The following ABI3BP variants were observed in gnomAD, a reference collection of about 807,000 sequenced individuals.
The protein encoded by ABI3BP is ABI family member 3 binding protein.
ABI3BP carries 216 observed loss-of-function variants against 268.6 expected under a neutral mutation model. The observed-to-expected ratio is 0.80, with a 90% CI of 0.72 to 0.90. The LOEUF (loss-of-function observed/expected upper bound fraction) is 0.90, where lower values mean the gene tolerates loss of function less well. ABI3BP is among the 40% of genes least tolerant of loss of function. ABI3BP has a pLI of 0.00. For missense variants in ABI3BP, 2,090 were observed against 2,182.4 expected (o/e 0.96, Z 0.84); for synonymous variants, 730 against 730.0 (o/e 1.00, Z 0.00).
At chr3:100,826,105 AGGACTGAT>A (rs1434662829) in intron 34 of ABI3BP, among the ~76,000 whole-genome samples, 2 of 152,086 alleles carry the variant, frequency 1.3e-5, no homozygotes, top group Non-Finnish European at 2.9e-5. Flanking sequence ...CTACTTCAAC[AGGACTGAT>A]GGACTCATAT....
chr3:100,758,823 A>G lies in ABI3BP; in HGVS notation c.4851-4132T>C, dbSNP rs376858119. On this transcript the variant is annotated intron_variant, in intron 63 of 67. Coordinates refer to ENST00000471714, the MANE Select transcript of ABI3BP (RefSeq NM_001375547.2). ...AAAAACTAGGATTTCAAAAAGTGTG[A>G]CCTGTGGCTCATGAGCAAAACTGTT... Among the ~76,000 whole-genome samples the G allele has an allele frequency of 2.0e-4, 30 of 152,250 alleles. No individual in the cohort carries two copies. In the South Asian group the frequency reaches 6.0e-3, roughly 31 times the overall value.
intron 1 of ABI3BP, among the ~76,000 whole-genome samples, chr3:100,928,817 C>T (rs995270990): frequency 1.3e-5 from 2 of 152,058 alleles, no homozygotes; most frequent in Admixed American, 6.6e-5. Flanking sequence ...CTGCACTGCT[C>T]TCTTTTCACT....
chr3:100,858,653 T>C (rs2098964355), intron 14 of ABI3BP, among the ~76,000 whole-genome samples: 1 of 152,146 alleles, frequency 6.6e-6, no homozygotes, highest in South Asian at 2.1e-4. Context: ...TAATGGCTGA[T>C]AAAGAGAAAA....
chr3:100,885,856 C>T (rs2041754019), intron 5 of ABI3BP, among the ~76,000 whole-genome samples: 1 of 151,928 alleles, frequency 6.6e-6, no homozygotes, highest in African/African-American at 2.4e-5. Flanking sequence ...TTTTCTGGTT[C>T]TGTTGGTGTT....
chr3:100,864,777 A>G, intron 11 of ABI3BP, 56 bp downstream of exon 11: 1 of 1,319,388 alleles, frequency 7.6e-7, no homozygotes, highest in Non-Finnish European at 1.1e-6. Flanking sequence ...GAGTCCTGGG[A>G]GTTATTTCGT....
At chr3:100,836,992 A>T in intron 27 of ABI3BP, 132 bp downstream of exon 27, 1 of 850,910 alleles carries the variant, frequency 1.2e-6, no homozygotes, top group African/African-American at 1.7e-5. Context: ...CCCCTGTTGA[A>T]AATAGTGAAA....
At chr3:100,800,720 C>T (rs766735163) in intron 51 of ABI3BP, among the ~76,000 whole-genome samples, 9 of 152,142 alleles carry the variant, frequency 5.9e-5, no homozygotes, top group Non-Finnish European at 1.2e-4. Context: ...ACCTCGTGAT[C>T]CTCCCGCCTC....
chr3:100,770,679 C>T (rs1176189708), intron 62 of ABI3BP, 64 bp downstream of exon 62: 3 of 1,367,466 alleles, frequency 2.2e-6, no homozygotes, highest in Non-Finnish European at 2.9e-6. Context: ...CCAGGGTACC[C>T]CACTCCCAGG....
At chr3:100,929,841 A>G (rs1271976153) in intron 1 of ABI3BP, among the ~76,000 whole-genome samples, 1 of 151,968 alleles carries the variant, frequency 6.6e-6, no homozygotes, top group Admixed American at 6.6e-5. Context: ...GTTATTACCA[A>G]ATTGACTCTT....
At chr3:100,864,183 A>G in intron 11 of ABI3BP, 107 bp from the exon 12 acceptor site, 1 of 738,180 alleles carries the variant, frequency 1.4e-6, no homozygotes, top group Non-Finnish European at 2.4e-6. Flanking sequence ...TTGCACACAG[A>G]GCAGCCAATA....
At chr3:100,963,753 T>A (rs1473620730) in intron 1 of ABI3BP, among the ~76,000 whole-genome samples, 1 of 152,170 alleles carries the variant, frequency 6.6e-6, no homozygotes, top group African/African-American at 2.4e-5. Flanking sequence ...ACTTACCTGC[T>A]CCATCCACAG....
At chr3:100,814,465 A>G (rs936753350) in intron 44 of ABI3BP, among the ~76,000 whole-genome samples, 2 of 152,060 alleles carry the variant, frequency 1.3e-5, no homozygotes, top group Non-Finnish European at 2.9e-5. Context: ...TCCAAATCCT[A>G]TAATTATTTC....
chr3:100,899,053 C>T (rs1172045377), intron 3 of ABI3BP, among the ~76,000 whole-genome samples, 159 bp from the exon 4 acceptor site: 4 of 152,106 alleles, frequency 2.6e-5, no homozygotes, highest in Non-Finnish European at 5.9e-5. Flanking sequence ...TAATTTTTGC[C>T]CAGGAATTTA....
In ABI3BP at chr3:100,825,389, TA is replaced by T. The variant is rs543297678; in HGVS notation, c.2662+395del. ...AACATACTGGGCATTTTTTTTTTTT[TA>T]AATCTAGAAACTCAGATGTGCAAAG... On this transcript the variant is annotated intron_variant, in intron 35 of 67. Transcript: ENST00000471714. Among the ~76,000 whole-genome samples the T allele has an allele frequency of 9.0e-3, 1,326 of 147,398 alleles. 16 individuals are homozygous for T. Among genetic ancestry groups the T allele is most frequent in the African/African-American group, 0.033 (1,273 of 39,156 alleles).
At chr3:100,833,560 C>A (rs2098527141) in intron 29 of ABI3BP, among the ~76,000 whole-genome samples, 1 of 152,296 alleles carries the variant, frequency 6.6e-6, no homozygotes, top group East Asian at 1.9e-4. Flanking sequence ...AGCAGATACA[C>A]TGATGAATGA....
chr3:100,878,542 T>C lies in ABI3BP; in HGVS notation c.697-1982A>G, dbSNP rs188661413. Among the ~76,000 whole-genome samples the C allele has an allele frequency of 3.5e-3, 531 of 152,230 alleles. 2 individuals carry two copies. The highest frequency in any genetic ancestry group is 0.017 in the Middle Eastern group (5 of 294). ...GCAGATATAATTTAGACATGCTCTTTCTTGGCAACAGGAGGAAAATAGTAG... is the reference window on the plus strand; with the variant it reads ...GCAGATATAATTTAGACATGCTCTTCCTTGGCAACAGGAGGAAAATAGTAG... On this transcript the variant is annotated intron_variant, in intron 6 of 67. Transcript: ENST00000471714.
At chr3:100,824,737 GCC>G in intron 36 of ABI3BP, 119 bp downstream of exon 36, 1 of 722,618 alleles carries the variant, frequency 1.4e-6, no homozygotes. Flanking sequence ...TACTGATGAT[GCC>G]TTATGCCCTC....
chr3:100,779,757 T>G (rs1445291378), intron 58 of ABI3BP, among the ~76,000 whole-genome samples: 1 of 151,946 alleles, frequency 6.6e-6, no homozygotes, highest in Non-Finnish European at 1.5e-5. Flanking sequence ...ATCAGGAACA[T>G]AAGTAATATC....
chr3:100,838,697 T>C (rs1190940256), intron 24 of ABI3BP, among the ~76,000 whole-genome samples: 1 of 152,182 alleles, frequency 6.6e-6, no homozygotes, highest in Non-Finnish European at 1.5e-5. Context: ...GCAAAAGTAA[T>C]GAGGACAGTC....
Sources: gnomAD v4.1 joint callset for allele counts (sites outside exome capture counted in the v4.1 genomes callset) on GRCh38, gnomAD v4.1.1 for gene constraint, MANE v1.5 for transcripts, NCBI Gene and HGNC (gene_info 2026-07-23, HGNC 2026-07-21) for gene names.